Variants in TMEM87A observed in about 807,000 individuals in gnomAD.
TMEM87A encodes Golgi-pH regulating cation channel.
TMEM87A carries 50 observed loss-of-function variants against 90.0 expected under a neutral mutation model. That is an observed-to-expected ratio of 0.56 (90% CI 0.44 to 0.70). The LOEUF (loss-of-function observed/expected upper bound fraction) is 0.70, where lower values mean the gene tolerates loss of function less well. Among genes scored for constraint, TMEM87A ranks in the 30% least tolerant of loss-of-function variants. TMEM87A has a pLI of 0.00. For synonymous variants in TMEM87A, 226 were observed against 226.7 expected (o/e 1.00, Z 0.03); for missense variants, 577 against 660.5 (o/e 0.87, Z 1.39).
chr15:42,258,453 A>C, intron 6 of TMEM87A: 4 of 584,100 alleles, frequency 6.8e-6, no homozygotes, highest in Non-Finnish European at 8.6e-6. Flanking sequence ...TTTGAGATGG[A>C]ATCTCACTGG....
intron 6 of TMEM87A, among the ~76,000 whole-genome samples, chr15:42,247,824 A>C (rs2051006532): frequency 1.3e-5 from 2 of 152,292 alleles, no homozygotes; most frequent in African/African-American, 4.8e-5. Flanking sequence ...TCTGTGAAGA[A>C]AGTCATTGGT....
In TMEM87A at chr15:42,267,992, C is replaced by A; in HGVS notation, c.246G>T (p.Trp82Cys). The A allele has an allele frequency of 6.2e-7, 1 of 1,613,574 alleles. No homozygotes were observed. Among genetic ancestry groups the A allele is most frequent in the South Asian group, 1.1e-5 (1 of 91,032 alleles). Residue 82 changes from tryptophan (W) to cysteine (C), a missense_variant, in exon 3 of 20, where the codon TGG (tryptophan) becomes TGT (cysteine). Coordinates refer to ENST00000389834, the MANE Select transcript of TMEM87A (RefSeq NM_015497.5). ...TGTAACAATCAGCGCTTTTCAGATA[C>A]CAGGTTATATTCAAAGACAGGTCAC... is the stretch of plus-strand genomic sequence containing the variant. ...EPCDLSLNIT[W>C]YLKSADCYNE...
At chr15:42,271,912 T>C (rs2051537563) in intron 2 of TMEM87A, 151 bp downstream of exon 2, 3 of 615,320 alleles carry the variant, frequency 4.9e-6, no homozygotes, top group Middle Eastern at 4.7e-4. Flanking sequence ...TTGAAGATGA[T>C]TCAGTAAAAG....
At chr15:42,232,542 C>T (rs2050702733) in intron 11 of TMEM87A, among the ~76,000 whole-genome samples, 1 of 152,058 alleles carries the variant, frequency 6.6e-6, no homozygotes, top group Non-Finnish European at 1.5e-5. Context: ...GGCACGATCT[C>T]GGCTCACTGC....
intron 2 of TMEM87A, among the ~76,000 whole-genome samples, chr15:42,268,609 G>C (rs2051451915): frequency 6.6e-6 from 1 of 152,328 alleles, no homozygotes; most frequent in East Asian, 1.9e-4. Context: ...CAAGTCTGCA[G>C]TGAGCCATGA....
intron 15 of TMEM87A, chr15:42,226,553 G>C (rs934976628): frequency 4.9e-6 from 2 of 411,942 alleles, no homozygotes; most frequent in African/African-American, 4.0e-5. Context: ...GAGCTGAAAG[G>C]AACTTCATGT....
At chr15:42,237,163 C>T (rs764462648) in intron 9 of TMEM87A, among the ~76,000 whole-genome samples, 19 of 152,096 alleles carry the variant, frequency 1.2e-4, no homozygotes, top group Non-Finnish European at 2.2e-4. Context: ...TAGAAATCAA[C>T]AGAAATTGAG....
At chr15:42,273,493 G>C (rs1271853475), upstream of TMEM87A, 14 of 1,555,306 alleles carry the variant, frequency 9.0e-6, no homozygotes, top group Non-Finnish European at 1.2e-5. Flanking sequence ...GATTATCCGG[G>C]TCCTGGAAAC....
At chr15:42,249,428 A>C (rs1473769842) in intron 6 of TMEM87A, among the ~76,000 whole-genome samples, 3 of 152,142 alleles carry the variant, frequency 2.0e-5, no homozygotes, top group Admixed American at 6.5e-5. Context: ...CAGTGCTATA[A>C]ATTTCCCTCT....
chr15:42,240,645 T>G (rs1257758078), intron 7 of TMEM87A, among the ~76,000 whole-genome samples: 1 of 152,234 alleles, frequency 6.6e-6, no homozygotes, highest in Non-Finnish European at 1.5e-5. Context: ...ATTATTGTAT[T>G]GATAAAATAA....
chr15:42,268,163 A>G, intron 2 of TMEM87A, 131 bp from the exon 3 acceptor site: 4 of 603,830 alleles, frequency 6.6e-6, no homozygotes, highest in Non-Finnish European at 5.6e-6. Context: ...TTCTCCAAAC[A>G]TAAGGTATTG....
At chr15:42,216,851 T>C (rs954741955) in intron 19 of TMEM87A, among the ~76,000 whole-genome samples, 1 of 149,372 alleles carries the variant, frequency 6.7e-6, no homozygotes, top group Non-Finnish European at 1.5e-5. Context: ...AAAGGCTTCC[T>C]GAAAAAAAAC....
rs926666536 is a variant in TMEM87A, at chr15:42,233,428, T to C, written c.969-122A>G. On this transcript the variant is annotated intron_variant, in intron 10 of 19. Transcript: ENST00000389834. ...TTTAAAGCAATAAATAATATACACT[T>C]GATTCACCTAAGAGAAAAAAACTAA... 5.4e-5 allele frequency: 36 copies of C among 661,224 alleles called. No homozygotes were observed. The African/African-American group carries it at 6.0e-4, about 11-fold the overall frequency. The allele number at this position is 661,224 out of a possible 1,614,324, so 41.0% of individuals were successfully genotyped here. A position where few individuals can be genotyped will look rare whatever the true frequency, so the allele number is the denominator to read the frequency against.
chr15:42,222,173 C>T (rs918564622), intron 15 of TMEM87A, among the ~76,000 whole-genome samples: 1 of 152,126 alleles, frequency 6.6e-6, no homozygotes, highest in South Asian at 2.1e-4. Context: ...GCACTCCTGC[C>T]TCAGTCTCCC....
Position 42,273,409 on chromosome 15 carries a change from G to C in TMEM87A, c.-11C>G. ...CGCAGCCGCCGCCATCTTCACAGCC[G>C]TGGAGTGCCTACCGAAAGCATTTCA... On this transcript the variant is annotated 5_prime_UTR_variant, in exon 1 of 20. Coordinates refer to ENST00000389834, the MANE Select transcript of TMEM87A (RefSeq NM_015497.5). The C allele has an allele frequency of 6.2e-7, 1 of 1,613,722 alleles. No homozygotes were observed. The highest frequency in any genetic ancestry group is 8.5e-7 in the Non-Finnish European group (1 of 1,179,968).
chr15:42,272,952 T>G (rs1595756950), intron 1 of TMEM87A: 1 of 557,402 alleles, frequency 1.8e-6, no homozygotes, highest in East Asian at 4.4e-5. Flanking sequence ...TAAACAACTC[T>G]CCGTTTGTAC....
At chr15:42,272,001 T>G in intron 2 of TMEM87A, 62 bp downstream of exon 2, 2 of 1,347,430 alleles carry the variant, frequency 1.5e-6, no homozygotes, top group Non-Finnish European at 2.0e-6. Flanking sequence ...ATAGGTAATT[T>G]AAAACATTAC....
chr15:42,252,613 C>T (rs915083696), intron 6 of TMEM87A, among the ~76,000 whole-genome samples: 2 of 152,102 alleles, frequency 1.3e-5, no homozygotes, highest in African/African-American at 4.8e-5. Flanking sequence ...GATGTTGATA[C>T]ACCTGAGGGT....
At chr15:42,260,261 G>C (rs2051263038) in intron 6 of TMEM87A, among the ~76,000 whole-genome samples, 1 of 152,114 alleles carries the variant, frequency 6.6e-6, no homozygotes, top group Non-Finnish European at 1.5e-5. Context: ...TGTGGCCCCA[G>C]TTACTTGGAG....
Sources: gnomAD v4.1 joint callset for allele counts (sites outside exome capture counted in the v4.1 genomes callset) on GRCh38, gnomAD v4.1.1 for gene constraint, MANE v1.5 for transcripts, NCBI Gene and HGNC (gene_info 2026-07-23, HGNC 2026-07-21) for gene names.